MGMT: variants seen among roughly 807,000 people sequenced by gnomAD.
MGMT encodes methylated-DNA--protein-cysteine methyltransferase.
MGMT carries 14 observed loss-of-function variants against 15.9 expected under a neutral mutation model. The observed-to-expected ratio is 0.88, with a 90% CI of 0.58 to 1.37. The LOEUF (loss-of-function observed/expected upper bound fraction) is 1.37. MGMT is among the 40% of genes most tolerant of loss of function. The pLI is 0.00. For synonymous variants in MGMT, 130 were observed against 118.2 expected, an observed-to-expected ratio of 1.10 and a Z score of -0.65; for missense variants, 282 against 268.1, an observed-to-expected ratio of 1.05 and a Z score of -0.36.
At chr10:129,579,378 G>A (rs945857761) in intron 2 of MGMT, among the ~76,000 whole-genome samples, 3 of 152,202 alleles carry the variant, frequency 2.0e-5, no homozygotes, top group African/African-American at 7.2e-5. Context: ...TGGGTCAGGA[G>A]CATGGCATGG....
intron 2 of MGMT, among the ~76,000 whole-genome samples, chr10:129,547,842 T>C (rs541426681): frequency 1.4e-4 from 22 of 152,314 alleles, no homozygotes; most frequent in Admixed American, 9.8e-4. Flanking sequence ...AGGCATCTTC[T>C]AAACAGATCT....
chr10:129,632,116 A>G (rs918999758), intron 2 of MGMT, among the ~76,000 whole-genome samples: 6 of 152,208 alleles, frequency 3.9e-5, no homozygotes, highest in Non-Finnish European at 5.9e-5. Context: ...TTGTAGTGGG[A>G]TATGCCTTTT....
At chr10:129,502,378 A>G (rs957478301) in intron 1 of MGMT, among the ~76,000 whole-genome samples, 1 of 152,160 alleles carries the variant, frequency 6.6e-6, no homozygotes, top group African/African-American at 2.4e-5. Context: ...AGGCATATTT[A>G]GTTAATACGT....
intron 2 of MGMT, among the ~76,000 whole-genome samples, chr10:129,594,073 G>A (rs1177127809): frequency 1.3e-5 from 2 of 152,188 alleles, no homozygotes; most frequent in African/African-American, 4.8e-5. Context: ...ATGCGAGGCC[G>A]GCAAAGAATT....
intron 2 of MGMT, among the ~76,000 whole-genome samples, chr10:129,637,129 G>T (rs1323888829): frequency 2.6e-5 from 4 of 152,214 alleles, no homozygotes; most frequent in Non-Finnish European, 4.4e-5. Flanking sequence ...TATCTGAAAA[G>T]CTCCACTGGG....
intron 3 of MGMT, among the ~76,000 whole-genome samples, chr10:129,747,576 C>A (rs1479032587): frequency 6.6e-6 from 1 of 152,122 alleles, no homozygotes; most frequent in Non-Finnish European, 1.5e-5. Context: ...CCTATTTTCC[C>A]AAATTATACC....
At chr10:129,652,811 G>C (rs1040785588) in intron 2 of MGMT, among the ~76,000 whole-genome samples, 1 of 152,238 alleles carries the variant, frequency 6.6e-6, no homozygotes, top group Non-Finnish European at 1.5e-5. Context: ...GGGGTGACGT[G>C]TGGGACCCTC....
At chr10:129,651,410 A>AG (rs1017184963) in intron 2 of MGMT, among the ~76,000 whole-genome samples, 22 of 151,896 alleles carry the variant, frequency 1.4e-4, no homozygotes, top group African/African-American at 5.3e-4. Flanking sequence ...CTTTTTTTTA[A>AG]GAAAAAAAAA....
rs114689933 is a variant in MGMT at position 129,570,072 on chromosome 10, A to G, written c.125+33695A>G. Reference sequence around the variant, plus strand: ...CATTTCCCTTTACCAAGTTATCTCCATGGCCCTTGGCCACAGCACCCTCCG... The same window carrying G: ...CATTTCCCTTTACCAAGTTATCTCCGTGGCCCTTGGCCACAGCACCCTCCG... On this transcript the variant is annotated intron_variant, in intron 2 of 4. Coordinates refer to ENST00000651593, the MANE Select transcript of MGMT (RefSeq NM_002412.5). 2.5e-3 allele frequency among the ~76,000 whole-genome samples: 377 copies of G among 152,330 alleles called. 4 individuals carry two copies. Among genetic ancestry groups the G allele is most frequent in the African/African-American group, 8.6e-3 (357 of 41,580 alleles).
At chr10:129,660,582 A>G (rs1410870907) in intron 2 of MGMT, among the ~76,000 whole-genome samples, 1 of 152,150 alleles carries the variant, frequency 6.6e-6, no homozygotes, top group Non-Finnish European at 1.5e-5. Flanking sequence ...CTTCCTCTTC[A>G]GCATGCTGAG....
chr10:129,713,829 T>C (rs1053546866), intron 3 of MGMT, among the ~76,000 whole-genome samples: 3 of 152,130 alleles, frequency 2.0e-5, no homozygotes, highest in Non-Finnish European at 4.4e-5. Context: ...TCCCCGCCAA[T>C]GTCCTTCCCT....
intron 2 of MGMT, among the ~76,000 whole-genome samples, chr10:129,638,208 C>T (rs1440179857): frequency 2.0e-5 from 3 of 152,036 alleles, no homozygotes; most frequent in East Asian, 1.9e-4. Context: ...TAGAACTCAA[C>T]CCGGTGGTTA....
chr10:129,553,672 G>T (rs1387651983), intron 2 of MGMT, among the ~76,000 whole-genome samples: 2 of 152,214 alleles, frequency 1.3e-5, no homozygotes, highest in Non-Finnish European at 2.9e-5. Flanking sequence ...GGGAGACAGA[G>T]ATGGTGGCAG....
chr10:129,676,000 T>A (rs1384826226), intron 2 of MGMT, among the ~76,000 whole-genome samples: 1 of 152,210 alleles, frequency 6.6e-6, no homozygotes, highest in East Asian at 1.9e-4. Flanking sequence ...AGCTGCTACC[T>A]GGCACTGCGC....
intron 3 of MGMT, among the ~76,000 whole-genome samples, chr10:129,757,901 A>G (rs1033414737): frequency 1.3e-5 from 2 of 152,232 alleles, no homozygotes; most frequent in African/African-American, 4.8e-5. Flanking sequence ...TTAAAAGGAC[A>G]AATCAGTCTG....
At chr10:129,522,272 G>T (rs1564841632) in intron 1 of MGMT, among the ~76,000 whole-genome samples, 1 of 152,222 alleles carries the variant, frequency 6.6e-6, no homozygotes, top group South Asian at 2.1e-4. Flanking sequence ...GGGCCCTGCA[G>T]GGGTCACAGG....
intron 2 of MGMT, among the ~76,000 whole-genome samples, chr10:129,624,374 C>T (rs1461974940): frequency 6.6e-6 from 1 of 152,114 alleles, no homozygotes; most frequent in Non-Finnish European, 1.5e-5. Flanking sequence ...GCCTGTTGGA[C>T]CCCGGGCCGT....
chr10:129,561,718 G>A (rs1846281204), intron 2 of MGMT, among the ~76,000 whole-genome samples: 1 of 152,034 alleles, frequency 6.6e-6, no homozygotes, highest in Non-Finnish European at 1.5e-5. Flanking sequence ...TGCTATGTCT[G>A]CAGTGTTACC....
chr10:129,713,791 C>T (rs1848260393), intron 3 of MGMT, among the ~76,000 whole-genome samples: 1 of 152,126 alleles, frequency 6.6e-6, no homozygotes, highest in Non-Finnish European at 1.5e-5. Context: ...TCCCAAGAAC[C>T]CATCCCCTGT....
Sources: gnomAD v4.1 joint callset for allele counts (sites outside exome capture counted in the v4.1 genomes callset) on GRCh38, gnomAD v4.1.1 for gene constraint, MANE v1.5 for transcripts, NCBI Gene and HGNC (gene_info 2026-07-23, HGNC 2026-07-21) for gene names.